The following CNTN5 variants were observed in gnomAD, a reference collection of about 807,000 sequenced individuals.
CNTN5 encodes the protein contactin-5.
In CNTN5, 77 loss-of-function variants were observed where a neutral mutation model predicts 129.1. The ratio of observed to expected loss-of-function variants is 0.60; its 90% confidence interval spans 0.50 to 0.72. The LOEUF (loss-of-function observed/expected upper bound fraction) is 0.72. Among genes scored for constraint, CNTN5 ranks in the 30% least tolerant of loss-of-function variants. CNTN5 has a pLI of 0.00. For synonymous variants in CNTN5, 509 were observed against 465.6 expected (o/e 1.09, Z -1.20); for missense variants, 1,478 against 1,328.8 (o/e 1.11, Z -1.75).
At chr11:99,572,730 T>C (rs1030671305) in intron 3 of CNTN5, among the ~76,000 whole-genome samples, 27 of 146,392 alleles carry the variant, frequency 1.8e-4, no homozygotes, top group African/African-American at 6.1e-4. Context: ...AAAAGTTTTA[T>C]TTTATTTTGT....
intron 6 of CNTN5, among the ~76,000 whole-genome samples, chr11:99,861,889 A>G (rs1422045610): frequency 1.3e-5 from 2 of 152,344 alleles, no homozygotes; most frequent in South Asian, 2.1e-4. Context: ...TTGTGAGCAT[A>G]AACTAAAATA....
chr11:99,523,595 AAGATAGAAT>A (rs1268372356), intron 2 of CNTN5, among the ~76,000 whole-genome samples: 4 of 149,678 alleles, frequency 2.7e-5, no homozygotes, highest in African/African-American at 5.0e-5. Context: ...ATCTCAAAGA[AAGATAGAAT>A]AGAATAGAAT....
At chr11:99,515,891 T>C (rs777214760) in intron 2 of CNTN5, among the ~76,000 whole-genome samples, 27 of 151,942 alleles carry the variant, frequency 1.8e-4, no homozygotes, top group Non-Finnish European at 3.8e-4. Flanking sequence ...TTAAAAGATA[T>C]ATTTTAAACT....
At chr11:100,257,293 C>T (rs1950092700) in intron 17 of CNTN5, among the ~76,000 whole-genome samples, 2 of 152,162 alleles carry the variant, frequency 1.3e-5, no homozygotes, top group Admixed American at 6.5e-5. Flanking sequence ...CAGTCAGGAG[C>T]TTATAGATAA....
At chr11:99,278,786 A>G (rs540540522) in intron 1 of CNTN5, among the ~76,000 whole-genome samples, 1 of 151,824 alleles carries the variant, frequency 6.6e-6, no homozygotes, top group African/African-American at 2.4e-5. Flanking sequence ...AATTAGTATA[A>G]TTTTATGTAG....
chr11:99,404,145 A>G (rs538872247), intron 2 of CNTN5, among the ~76,000 whole-genome samples: 1 of 152,020 alleles, frequency 6.6e-6, no homozygotes, highest in South Asian at 2.1e-4. Flanking sequence ...TTGTCTTGAA[A>G]TCTATTTTGT....
chr11:99,591,201 T>G (rs1949968488), intron 3 of CNTN5, among the ~76,000 whole-genome samples: 1 of 152,114 alleles, frequency 6.6e-6, no homozygotes, highest in Admixed American at 6.5e-5. Context: ...GGAGGGAGGT[T>G]GGGATAGCTT....
intron 1 of CNTN5, among the ~76,000 whole-genome samples, chr11:99,027,501 T>C (rs1421816972): frequency 6.6e-6 from 1 of 151,716 alleles, no homozygotes; most frequent in Non-Finnish European, 1.5e-5. Flanking sequence ...ATATAAATTC[T>C]AGTTTTTCTG....
chr11:99,924,587 C>T (rs1950018068), intron 7 of CNTN5, among the ~76,000 whole-genome samples: 1 of 151,842 alleles, frequency 6.6e-6, no homozygotes, highest in Non-Finnish European at 1.5e-5. Flanking sequence ...CTATTCTGTT[C>T]CATTGGTCTA....
At chr11:99,722,947 A>G (rs1432662961) in intron 3 of CNTN5, among the ~76,000 whole-genome samples, 1 of 152,016 alleles carries the variant, frequency 6.6e-6, no homozygotes, top group African/African-American at 2.4e-5. Context: ...TTCCATTGTC[A>G]CTTCATAGAT....
intron 2 of CNTN5, among the ~76,000 whole-genome samples, chr11:99,507,917 T>G (rs1946686553): frequency 6.6e-6 from 1 of 152,234 alleles, no homozygotes; most frequent in Non-Finnish European, 1.5e-5. Context: ...AGTGCTTGAA[T>G]GGCTTTATAA....
At chr11:99,682,198 T>C (rs1414241514) in intron 3 of CNTN5, among the ~76,000 whole-genome samples, 1 of 152,092 alleles carries the variant, frequency 6.6e-6, no homozygotes, top group African/African-American at 2.4e-5. Flanking sequence ...TTAATATATT[T>C]ATTTCTTGAA....
intron 8 of CNTN5, among the ~76,000 whole-genome samples, chr11:99,990,443 AAT>A (rs145384797): frequency 0.058 from 8,358 of 144,738 alleles, 269 homozygotes; most frequent in Non-Finnish European, 0.077. Context: ...TTATTTTTAG[AAT>A]ATATATATAT....
chr11:99,783,903 T>C (rs978543394), intron 3 of CNTN5, among the ~76,000 whole-genome samples: 73 of 151,792 alleles, frequency 4.8e-4, no homozygotes, highest in Admixed American at 3.1e-3. Context: ...TGCACCAGCA[T>C]GGCACATGTA....
At chr11:99,246,160 CAT>C (rs1861804588) in intron 1 of CNTN5, among the ~76,000 whole-genome samples, 2 of 152,180 alleles carry the variant, frequency 1.3e-5, no homozygotes, top group South Asian at 4.1e-4. Flanking sequence ...CATATCTTCA[CAT>C]GTCACAAATT....
chr11:99,799,808 T>A (rs1004260841), intron 3 of CNTN5, among the ~76,000 whole-genome samples: 3 of 152,014 alleles, frequency 2.0e-5, no homozygotes, highest in Admixed American at 6.6e-5. Context: ...TTGGAAAAAA[T>A]TGGGTAGAAT....
intron 2 of CNTN5, among the ~76,000 whole-genome samples, chr11:99,437,781 C>T (rs1943658957): frequency 6.6e-6 from 1 of 152,174 alleles, no homozygotes; most frequent in African/African-American, 2.4e-5. Flanking sequence ...TGAGATCGCA[C>T]ACTTGCAATC....
At chr11:99,861,020 A>G (rs1044484095) in intron 6 of CNTN5, among the ~76,000 whole-genome samples, 1 of 145,114 alleles carries the variant, frequency 6.9e-6, no homozygotes, top group African/African-American at 2.6e-5. Context: ...CAGTGGCGCA[A>G]TCTCATCTCA....
At chr11:99,674,280 C>T (rs1311339024) in intron 3 of CNTN5, among the ~76,000 whole-genome samples, 1 of 125,564 alleles carries the variant, frequency 8.0e-6, no homozygotes, top group African/African-American at 3.0e-5. Context: ...ATTGTTTAAG[C>T]CCTTGGCCCA....
Sources: allele counts gnomAD v4.1 joint callset (sites outside exome capture counted in the v4.1 genomes callset), GRCh38; gene constraint gnomAD v4.1.1; transcripts MANE v1.5; gene names NCBI Gene and HGNC (gene_info 2026-07-23, HGNC 2026-07-21).